The following ISM2 variants were observed in gnomAD, a reference collection of about 807,000 sequenced individuals.
The protein encoded by ISM2 is isthmin 2, also known as isthmin-2.
ISM2 carries 50 observed loss-of-function variants against 58.0 expected under a neutral mutation model. The observed-to-expected ratio is 0.86, with a 90% CI of 0.69 to 1.09. The LOEUF (loss-of-function observed/expected upper bound fraction) is 1.09. Among genes scored for constraint, ISM2 ranks in the 50% least tolerant of loss-of-function variants. The pLI is 0.00. For synonymous variants in ISM2, 303 were observed against 312.4 expected (o/e 0.97, Z 0.32); for missense variants, 723 against 745.0 (o/e 0.97, Z 0.34).
At chr14:77,498,307 T>C (rs1221531601) in intron 1 of ISM2, 1 of 1,357,754 alleles carries the variant, frequency 7.4e-7, no homozygotes, top group Non-Finnish European at 9.7e-7. Context: ...CTCTCCGAGC[T>C]AGCGCGCACC....
chr14:77,484,245 G>C, intron 3 of ISM2, 78 bp downstream of exon 3: 1 of 1,534,554 alleles, frequency 6.5e-7, no homozygotes, highest in Non-Finnish European at 8.8e-7. Context: ...CCAGGATATA[G>C]GGTATCCTGA....
intron 4 of ISM2, among the ~76,000 whole-genome samples, chr14:77,479,512 T>C (rs1217975984): frequency 6.6e-6 from 1 of 151,812 alleles, no homozygotes; most frequent in Admixed American, 6.6e-5. Flanking sequence ...GCCTCCTGGG[T>C]AGCTGGGATT....
rs77035770 is a variant in ISM2 at position 77,496,933 on chromosome 14, C to T, written c.141+1720G>A. Among the ~76,000 whole-genome samples the T allele has an allele frequency of 6.1e-3, 928 of 151,346 alleles. 13 individuals carry two copies. The highest frequency in any genetic ancestry group is 0.02 in the African/African-American group (814 of 41,174). On this transcript the variant is annotated intron_variant, in intron 1 of 6. Coordinates refer to ENST00000342219, the MANE Select transcript of ISM2 (RefSeq NM_199296.3). ...TGGTCTACAGACACATCCTCAAGTG[C>T]AGCCAGTCTCCCCATTCCTTCCCAC...
At chr14:77,487,243 T>TTAAATAAA (rs35003981) in intron 1 of ISM2, among the ~76,000 whole-genome samples, 5,728 of 144,044 alleles carry the variant, frequency 0.04, 151 homozygotes, top group African/African-American at 0.07. Context: ...AGAATCCATC[T>TTAAATAAA]TAAATAAATA....
At chr14:77,490,862 A>T (rs931064395) in intron 1 of ISM2, among the ~76,000 whole-genome samples, 1 of 152,028 alleles carries the variant, frequency 6.6e-6, no homozygotes, top group African/African-American at 2.4e-5. Context: ...CCAACCCTTT[A>T]GAGACTGAAT....
At chr14:77,485,253 G>C in intron 1 of ISM2, among the ~76,000 whole-genome samples, 1 of 152,240 alleles carries the variant, frequency 6.6e-6, no homozygotes, top group Non-Finnish European at 1.5e-5. Context: ...AGTTGTTTCA[G>C]AGAGTGGTGT....
At chr14:77,491,085 AG>A (rs2079200794) in intron 1 of ISM2, among the ~76,000 whole-genome samples, 1 of 152,238 alleles carries the variant, frequency 6.6e-6, no homozygotes, top group Admixed American at 6.5e-5. Context: ...CCCACCTGGC[AG>A]GTGAGACCTT....
At chr14:77,498,567 G>T in intron 1 of ISM2, 86 bp downstream of exon 1, 1 of 1,384,832 alleles carries the variant, frequency 7.2e-7, no homozygotes, top group Non-Finnish European at 9.4e-7. Context: ...GTGTGTCCCG[G>T]TCCCGCTCCC....
intron 1 of ISM2, among the ~76,000 whole-genome samples, chr14:77,487,510 GC>G (rs2079175564): frequency 1.3e-5 from 2 of 152,200 alleles, no homozygotes; most frequent in Admixed American, 6.5e-5. Flanking sequence ...TCTCCCTGGT[GC>G]CCAGTCAGAC....
intron 1 of ISM2, among the ~76,000 whole-genome samples, chr14:77,496,381 G>A (rs1482248674): frequency 4.6e-5 from 7 of 151,766 alleles, no homozygotes; most frequent in South Asian, 4.2e-4. Flanking sequence ...CTAGCTACTC[G>A]GGAGGCAGAG....
chr14:77,478,494 C>T (rs1304369690), intron 5 of ISM2, 81 bp downstream of exon 5: 54 of 1,551,032 alleles, frequency 3.5e-5, no homozygotes, highest in Non-Finnish European at 4.7e-5. Context: ...ATCTCCCAAG[C>T]CCACCCACAT....
In ISM2 at chr14:77,485,807, A is replaced by G. The variant is rs770295259; in HGVS notation, c.142-888T>C. On this transcript the variant is annotated intron_variant, in intron 1 of 6. Transcript: ENST00000342219. ...ACACCCTTGCCACCCCTCCCGTCTC[A>G]TACCTGGGCAGTATGGTATGGCTGA... 2.6e-5 allele frequency among the ~76,000 whole-genome samples: 4 copies of G among 152,206 alleles called. No homozygotes were observed. The East Asian group carries it at 7.7e-4, about 29-fold the overall frequency.
chr14:77,485,802 G>C (rs1473921106), intron 1 of ISM2, among the ~76,000 whole-genome samples: 1 of 152,158 alleles, frequency 6.6e-6, no homozygotes, highest in African/African-American at 2.4e-5. Flanking sequence ...CACCCCTCCC[G>C]TCTCATACCT....
chr14:77,496,379 TCGGGAGG>T (rs552189461), intron 1 of ISM2, among the ~76,000 whole-genome samples: 15 of 151,768 alleles, frequency 9.9e-5, no homozygotes, highest in Non-Finnish European at 1.3e-4. Context: ...TCCTAGCTAC[TCGGGAGG>T]CAGAGGCAGG....
Position 77,478,626 on chromosome 14 carries a change from A to T in ISM2, c.1063T>A (p.Tyr355Asn), listed in dbSNP as rs778593023. ...GKQQRTRPCG[Y>N]GCTATETRTC... ...CGGGTCTCGGTGGCAGTGCAGCCAT[A>T]GCCACAGGGCCGAGTCCTCTGCTGC... Residue 355 changes from tyrosine to asparagine, a missense_variant, in exon 5 of 7, where the codon TAT becomes AAT. By Grantham distance (143) the Tyr-to-Asn change is moderately radical. Coordinates refer to ENST00000342219, the MANE Select transcript of ISM2 (RefSeq NM_199296.3). 1 of 1,609,644 alleles carries T rather than the reference A, an allele frequency of 6.2e-7. No individual in the cohort carries two copies. Among genetic ancestry groups the T allele is most frequent in the South Asian group, 1.1e-5 (1 of 90,748 alleles).
intron 1 of ISM2, among the ~76,000 whole-genome samples, chr14:77,490,761 G>C (rs974033232): frequency 6.6e-6 from 1 of 152,212 alleles, no homozygotes; most frequent in African/African-American, 2.4e-5. Flanking sequence ...GACTGAGATC[G>C]GAGAGGCTGG....
At chr14:77,485,113 G>A (rs2079159972) in intron 1 of ISM2, among the ~76,000 whole-genome samples, 194 bp from the exon 2 acceptor site, 2 of 152,222 alleles carry the variant, frequency 1.3e-5, no homozygotes, top group South Asian at 4.1e-4. Flanking sequence ...CCCTCAACGG[G>A]TAAGTGAGGG....
In ISM2 at chr14:77,498,744, A is replaced by T; in HGVS notation, c.50T>A (p.Leu17Gln). The change falls in exon 1 of 7, where the codon CTG becomes CAG. Residue 17 changes from leucine to glutamine, a missense_variant. Transcript: ENST00000342219. ...TAGCGCCGCCTCCAGCAGCGCCGCC[A>T]GCAGCAGCACGCAGAGGAGGAGCCC... ...RAGLLLCVLL[L>Q]AALLEAALGL... 6.8e-7 allele frequency: 1 copy of T among 1,481,116 alleles called. No homozygotes were observed. The allele number at this position is 1,481,116 out of a possible 1,614,324, so 91.7% of individuals were successfully genotyped here.
At chr14:77,481,611 T>TCA (rs1469378042) in intron 4 of ISM2, among the ~76,000 whole-genome samples, 2 of 152,122 alleles carry the variant, frequency 1.3e-5, no homozygotes, top group Admixed American at 1.3e-4. Context: ...CCAAGGTCAT[T>TCA]CAGCTGGTAA....
Sources: allele counts gnomAD v4.1 joint callset (sites outside exome capture counted in the v4.1 genomes callset), GRCh38; gene constraint gnomAD v4.1.1; transcripts MANE v1.5; gene names NCBI Gene and HGNC (gene_info 2026-07-23, HGNC 2026-07-21).